ZNF341: variants seen among roughly 807,000 people sequenced by gnomAD.
ZNF341 encodes the protein zinc finger protein 341.
ZNF341 carries 52 observed loss-of-function variants against 87.7 expected under a neutral mutation model. The observed-to-expected ratio is 0.59, with a 90% CI of 0.47 to 0.75. The LOEUF is 0.75. Among genes scored for constraint, ZNF341 ranks in the 30% least tolerant of loss-of-function variants. The pLI is 0.00. For synonymous variants in ZNF341, 459 were observed against 472.7 expected (o/e 0.97, Z 0.38); for missense variants, 977 against 1,145.9 (o/e 0.85, Z 2.13).
chr20:33,749,146 G>A, intron 4 of ZNF341, 74 bp downstream of exon 4: 1 of 1,538,924 alleles, frequency 6.5e-7, no homozygotes, highest in Non-Finnish European at 8.8e-7. Context: ...TCAGAATCTT[G>A]TAGAATAAAG....
intron 8 of ZNF341, among the ~76,000 whole-genome samples, chr20:33,762,286 AT>A (rs970677663): frequency 6.0e-5 from 9 of 150,536 alleles, no homozygotes; most frequent in Admixed American, 1.3e-4. Context: ...TCACCTACCC[AT>A]TTTTTGCTGA....
chr20:33,776,384 C>A (rs1021791947), intron 10 of ZNF341, among the ~76,000 whole-genome samples: 1 of 150,950 alleles, frequency 6.6e-6, no homozygotes. Flanking sequence ...TGAGCCACTG[C>A]ACCTGGCCTT....
rs568305029 is a variant in ZNF341 at position 33,769,819 on chromosome 20, G to A, written c.1414-265G>A. Among the ~76,000 whole-genome samples the A allele has an allele frequency of 9.2e-5, 14 of 152,356 alleles. No individual in the cohort carries two copies. In the South Asian group the frequency reaches 2.9e-3, roughly 32 times the overall value. On this transcript the variant is annotated intron_variant, in intron 9 of 14. Coordinates refer to ENST00000375200, the MANE Select transcript of ZNF341 (RefSeq NM_001282933.2). ...CCAGCTACTGGGGAGGCTGAGGCAGGAGAATCGCTTGAACCTGTGAAGTGG... is the reference window on the plus strand; with the variant it reads ...CCAGCTACTGGGGAGGCTGAGGCAGAAGAATCGCTTGAACCTGTGAAGTGG...
chr20:33,739,855 C>T (rs940383195), intron 1 of ZNF341, among the ~76,000 whole-genome samples: 2 of 152,076 alleles, frequency 1.3e-5, no homozygotes, highest in Non-Finnish European at 2.9e-5. Context: ...TTCTCAGAGG[C>T]CCAGGATTTA....
In ZNF341 at chr20:33,791,135, A is replaced by T; in HGVS notation, c.2183A>T (p.Asp728Val). 3 of 1,613,224 alleles carry T rather than the reference A, an allele frequency of 1.9e-6. No homozygotes were observed. Among genetic ancestry groups the T allele is most frequent in the South Asian group, 1.1e-5 (1 of 91,086 alleles). Reference protein sequence around the residue: ...KGFSRHKYLKDHRCRLGPQKD... With the variant: ...KGFSRHKYLKVHRCRLGPQKD... The stretch of plus-strand genomic sequence containing the variant: ...TTTTCCCGCCACAAATACCTCAAAG[A>T]TCACCGCTGTCGTCTCGGCCCCCAA... The change falls in exon 15 of 15, where the codon GAT becomes GTT. Residue 728 changes from aspartate to valine, a missense_variant. Coordinates refer to ENST00000375200, the MANE Select transcript of ZNF341 (RefSeq NM_001282933.2).
At chr20:33,790,958 G>A (rs753143178) in intron 14 of ZNF341, 30 bp from the exon 15 acceptor site, 83 of 1,590,008 alleles carry the variant, frequency 5.2e-5, no homozygotes, top group Non-Finnish European at 6.9e-5. Flanking sequence ...AGGTCTGGAT[G>A]CTTCTCACTG....
intron 10 of ZNF341, among the ~76,000 whole-genome samples, chr20:33,779,448 C>CTTTTTTT (rs34100674): frequency 7.7e-6 from 1 of 129,080 alleles, no homozygotes; most frequent in Non-Finnish European, 1.6e-5. Context: ...GACAATCTCC[C>CTTTTTTT]TTTTTTTTTT....
At chr20:33,752,613 T>G in intron 4 of ZNF341, 1 of 276,102 alleles carries the variant, frequency 3.6e-6, no homozygotes, top group Non-Finnish European at 7.0e-6. Context: ...TATTAACTCT[T>G]TTCTGCATGA....
Position 33,753,436 on chromosome 20 carries a change from G to A in ZNF341, c.741+13G>A, listed in dbSNP as rs773620992. 7 of 1,576,146 alleles carry A rather than the reference G, an allele frequency of 4.4e-6. No homozygotes were observed. Among genetic ancestry groups the A allele is most frequent in the African/African-American group, 2.7e-5 (2 of 74,136 alleles). Reference sequence around the variant, plus strand: ...CCCACCCCTAGAGGTGAGCAGAGGGGGCAGGGTGGAAGAGGACACTGGTCA... The same window carrying A: ...CCCACCCCTAGAGGTGAGCAGAGGGAGCAGGGTGGAAGAGGACACTGGTCA... On this transcript the variant is annotated intron_variant, in intron 5 of 14. Coordinates refer to ENST00000375200, the MANE Select transcript of ZNF341 (RefSeq NM_001282933.2).
At chr20:33,746,098 T>C (rs1370367159) in intron 3 of ZNF341, among the ~76,000 whole-genome samples, 1 of 149,950 alleles carries the variant, frequency 6.7e-6, no homozygotes, top group East Asian at 2.0e-4. Flanking sequence ...ACCAGGCTGA[T>C]TTTTGTATTT....
intron 10 of ZNF341, among the ~76,000 whole-genome samples, chr20:33,775,047 T>C (rs554349699): frequency 3.9e-5 from 6 of 152,294 alleles, no homozygotes; most frequent in Admixed American, 6.5e-5. Flanking sequence ...CCATTGTGCA[T>C]GGTGTACTGT....
Position 33,740,984 on chromosome 20 carries a change from C to A in ZNF341, c.114C>A (p.Val38=), listed in dbSNP as rs1445877757. Residue 38 remains valine (V), a synonymous_variant, in exon 2 of 15, where the codon GTC becomes GTA. Transcript: ENST00000375200. ...GAVPDPTGQS[V]NAPPAIQPLD... ...TCCCTGATCCGACAGGCCAGAGTGT[C>A]AATGCGCCCCCTGCTATCCAGCCAT... 6.2e-7 allele frequency: 1 copy of A among 1,614,160 alleles called. No homozygotes were observed. Among genetic ancestry groups the A allele is most frequent in the South Asian group, 1.1e-5 (1 of 91,078 alleles).
chr20:33,741,789 C>T (rs2018808501), intron 2 of ZNF341, among the ~76,000 whole-genome samples: 1 of 152,232 alleles, frequency 6.6e-6, no homozygotes, highest in African/African-American at 2.4e-5. Context: ...TTGGGAATCA[C>T]ACTAGGGGCA....
chr20:33,755,493 C>T (rs1003891109), intron 5 of ZNF341, among the ~76,000 whole-genome samples: 7 of 151,428 alleles, frequency 4.6e-5, no homozygotes, highest in African/African-American at 1.5e-4. Context: ...ACCTTTTTTT[C>T]AGCTTTGTCT....
intron 10 of ZNF341, among the ~76,000 whole-genome samples, chr20:33,775,236 G>A (rs1313085030): frequency 6.7e-6 from 1 of 148,742 alleles, no homozygotes; most frequent in Admixed American, 6.7e-5. Context: ...TTGAGATGGA[G>A]TCTCGCTCTG....
intron 10 of ZNF341, among the ~76,000 whole-genome samples, chr20:33,777,293 C>T (rs113527748): frequency 0.069 from 9,211 of 133,470 alleles, 1,052 homozygotes; most frequent in African/African-American, 0.24. Flanking sequence ...ACTGCACTCC[C>T]GCCTGAAGGA....
rs772568773 is a variant in ZNF341, at chr20:33,770,285, G to A, written c.1615G>A (p.Val539Ile). ...GCACAGCCCCAAGAAGGACAATGCC[G>A]TCTACAAGTAAGTGCCTCCTGCTTC... is the stretch of plus-strand genomic sequence containing the variant. ...PQHSPKKDNA[V>I]YKCVKCVNKY... is the part of the protein sequence containing the mutation. Residue 539 changes from valine to isoleucine, a missense_variant, in exon 10 of 15, where the codon GTC becomes ATC. Val to Ile is a conservative substitution (Grantham distance 29). This residue lies in a region of ZNF341 where 241 missense variants were observed against 335.0 expected (regional missense o/e 0.72). Transcript: ENST00000375200. The A allele has an allele frequency of 4.6e-5, 63 of 1,366,518 alleles. No homozygotes were observed. The highest frequency in any genetic ancestry group is 4.2e-4 in the Middle Eastern group (2 of 4,814). 84.6% of individuals were successfully genotyped at this position (1,366,518 alleles called of 1,614,324 possible). A position where few individuals can be genotyped will look rare whatever the true frequency, so the allele number is the denominator to read the frequency against.
chr20:33,746,988 G>C (rs949897318), intron 3 of ZNF341, among the ~76,000 whole-genome samples: 3 of 152,126 alleles, frequency 2.0e-5, no homozygotes, highest in African/African-American at 7.2e-5. Flanking sequence ...AGTAGACAAT[G>C]TAGATTTCCA....
At chr20:33,745,630 T>A (rs2018902551) in intron 3 of ZNF341, among the ~76,000 whole-genome samples, 1 of 152,090 alleles carries the variant, frequency 6.6e-6, no homozygotes, top group African/African-American at 2.4e-5. Flanking sequence ...GATAATATAT[T>A]ATTATTTTTA....
Sources: allele counts gnomAD v4.1 joint callset (sites outside exome capture counted in the v4.1 genomes callset), GRCh38; gene constraint gnomAD v4.1.1; regional missense constraint gnomAD v4.1.1; transcripts MANE v1.5; gene names NCBI Gene and HGNC (gene_info 2026-07-23, HGNC 2026-07-21).